The following ASPH variants were observed in gnomAD, a reference collection of about 807,000 sequenced individuals.
ASPH encodes aspartyl/asparaginyl beta-hydroxylase.
A neutral mutation model predicts 118.4 loss-of-function variants in ASPH; 100 were observed. That is an observed-to-expected ratio of 0.84 (90% CI 0.72 to 1.00). The LOEUF (loss-of-function observed/expected upper bound fraction) is 1.00, where lower values mean the gene tolerates loss of function less well. Ranked by LOEUF, ASPH falls within the 50% of genes least tolerant of loss-of-function variation. The pLI is 0.00. For synonymous variants in ASPH, 315 were observed against 325.6 expected (o/e 0.97, Z 0.35); for missense variants, 920 against 919.5 (o/e 1.00, Z -0.01).
chr8:61,673,716 A>G (rs1823783910), intron 3 of ASPH, among the ~76,000 whole-genome samples: 1 of 152,238 alleles, frequency 6.6e-6, no homozygotes, highest in Non-Finnish European at 1.5e-5. Flanking sequence ...TTAGCAATAC[A>G]TAATAAATCA....
At chr8:61,571,986 A>C (rs1833604550) in intron 16 of ASPH, among the ~76,000 whole-genome samples, 1 of 152,222 alleles carries the variant, frequency 6.6e-6, no homozygotes, top group Non-Finnish European at 1.5e-5. Flanking sequence ...CTGTCTGCTA[A>C]AGCTGGTCTG....
At chr8:61,682,974 T>C (rs1293194271) in intron 2 of ASPH, among the ~76,000 whole-genome samples, 1 of 152,132 alleles carries the variant, frequency 6.6e-6, no homozygotes, top group Admixed American at 6.6e-5. Context: ...TGTCCATCAC[T>C]GATAAACAGA....
intron 1 of ASPH, among the ~76,000 whole-genome samples, chr8:61,698,354 T>C (rs1249464567): frequency 6.6e-6 from 1 of 152,246 alleles, no homozygotes; most frequent in African/African-American, 2.4e-5. Context: ...TGTTTATTCA[T>C]TTAGTTACGT....
chr8:61,633,802 G>T, intron 12 of ASPH, 75 bp from the exon 13 acceptor site: 1 of 995,550 alleles, frequency 1.0e-6, no homozygotes, highest in Non-Finnish European at 1.5e-6. Flanking sequence ...CCAGATTTAA[G>T]TAATGATGAT....
intron 17 of ASPH, among the ~76,000 whole-genome samples, chr8:61,566,850 T>C (rs901605603): frequency 2.0e-5 from 3 of 152,238 alleles, no homozygotes; most frequent in African/African-American, 7.2e-5. Flanking sequence ...CATAATGTTA[T>C]TTCACACTTA....
chr8:61,630,463 A>G (rs1447986476), intron 13 of ASPH, among the ~76,000 whole-genome samples: 1 of 152,202 alleles, frequency 6.6e-6, no homozygotes, highest in Non-Finnish European at 1.5e-5. Context: ...ACTAAGAGTA[A>G]GACTTAAGAC....
At chr8:61,597,137 T>C (rs188030922) in intron 14 of ASPH, among the ~76,000 whole-genome samples, 89 of 148,926 alleles carry the variant, frequency 6.0e-4, no homozygotes, top group East Asian at 2.2e-3. Context: ...ATAGACTAGA[T>C]TGAATAGAAG....
At chr8:61,676,024 G>A in intron 3 of ASPH, 1 of 1,586,448 alleles carries the variant, frequency 6.3e-7, no homozygotes, top group Non-Finnish European at 8.5e-7. Context: ...AAAGAAAAAG[G>A]AGGCTGCTTC....
intron 17 of ASPH, among the ~76,000 whole-genome samples, chr8:61,564,160 C>A (rs61252075): frequency 0.098 from 14,836 of 151,852 alleles, 758 homozygotes; most frequent in Non-Finnish European, 0.12. Context: ...TTTAATGCAT[C>A]CTTTTAAAAA....
At chr8:61,642,946 A>C in intron 9 of ASPH, 26 bp from the exon 10 acceptor site, 1 of 1,546,334 alleles carries the variant, frequency 6.5e-7, no homozygotes, top group Non-Finnish European at 8.7e-7. Flanking sequence ...GAATAAAAGC[A>C]AAATAAGTAT....
At chr8:61,691,636 G>C (rs1832673502) in intron 1 of ASPH, among the ~76,000 whole-genome samples, 1 of 152,194 alleles carries the variant, frequency 6.6e-6, no homozygotes, top group Non-Finnish European at 1.5e-5. Flanking sequence ...CACTGATCCA[G>C]CAGGCAGCTT....
At chr8:61,688,525 C>G (rs1831462062) in intron 1 of ASPH, among the ~76,000 whole-genome samples, 2 of 152,162 alleles carry the variant, frequency 1.3e-5, no homozygotes, top group Non-Finnish European at 2.9e-5. Flanking sequence ...CTTGAACAGT[C>G]ACCAGCTACT....
At chr8:61,664,296 T>A in intron 3 of ASPH, 1 of 968,916 alleles carries the variant, frequency 1.0e-6, no homozygotes, top group Non-Finnish European at 1.2e-6. Flanking sequence ...CAATCAAATA[T>A]GAAAAATGTA....
rs113106520 is a variant in ASPH at position 61,579,400 on chromosome 8, T to C, written c.1063-2542A>G. Reference sequence around the variant, plus strand: ...ATCGAGATCGCCACCTACAGGAAGCTGCTGGAGGGCAAAGAGAGCCGGCTG... The same window carrying C: ...ATCGAGATCGCCACCTACAGGAAGCCGCTGGAGGGCAAAGAGAGCCGGCTG... On this transcript the variant is annotated intron_variant, in intron 15 of 24. Transcript: ENST00000379454. 503 of 1,613,756 alleles carry C rather than the reference T, an allele frequency of 3.1e-4. 3 individuals carry two copies. In the African/African-American group the frequency reaches 4.7e-3, roughly 15 times the overall value.
intron 3 of ASPH, among the ~76,000 whole-genome samples, chr8:61,668,671 T>G (rs1437590863): frequency 6.6e-6 from 1 of 152,168 alleles, no homozygotes; most frequent in Admixed American, 6.5e-5. Context: ...TCAATCACAC[T>G]TGCCATCCAA....
In ASPH at chr8:61,563,905, T is replaced by C. The variant is rs150537468; in HGVS notation, c.1301-1025A>G. Among the ~76,000 whole-genome samples the C allele has an allele frequency of 2.6e-5, 4 of 152,346 alleles. No individual in the cohort carries two copies. In the East Asian group the frequency reaches 7.7e-4, roughly 29 times the overall value. On this transcript the variant is annotated intron_variant, in intron 17 of 24. Transcript: ENST00000379454. ...TGCATCTGGGAACCCTGTTGTGTTG[T>C]GACCAACTTCACCACCATGTCATTT...
At chr8:61,569,441 T>A (rs1355384650) in intron 16 of ASPH, among the ~76,000 whole-genome samples, 2 of 152,084 alleles carry the variant, frequency 1.3e-5, no homozygotes, top group Non-Finnish European at 2.9e-5. Flanking sequence ...GTATGCAGAA[T>A]CAAAATAAAG....
intron 14 of ASPH, among the ~76,000 whole-genome samples, chr8:61,602,524 C>T (rs899019803): frequency 6.6e-5 from 10 of 151,376 alleles, no homozygotes; most frequent in Non-Finnish European, 1.2e-4. Context: ...TCTACCCTCT[C>T]CTGCCCCCAA....
At chr8:61,616,636 A>T (rs1255033959) in intron 14 of ASPH, among the ~76,000 whole-genome samples, 1 of 151,970 alleles carries the variant, frequency 6.6e-6, no homozygotes, top group Admixed American at 6.5e-5. Context: ...TATCTTACAC[A>T]CTCTAGGCTT....
Sources: allele counts gnomAD v4.1 joint callset (sites outside exome capture counted in the v4.1 genomes callset), GRCh38; gene constraint gnomAD v4.1.1; transcripts MANE v1.5; gene names NCBI Gene and HGNC (gene_info 2026-07-23, HGNC 2026-07-21).